Variants in FBXO33 observed in about 807,000 individuals in gnomAD.
FBXO33 encodes the protein F-box protein 33, also known as F-box only protein 33.
Under a neutral mutation model 46.3 loss-of-function variants are expected in FBXO33, and 22 were observed. That is an observed-to-expected ratio of 0.48 (90% confidence interval 0.34 to 0.68). The LOEUF is 0.68. FBXO33 is among the 30% of genes least tolerant of loss of function. The probability of loss-of-function intolerance (pLI) is 0.01; values close to 1 mark genes in which losing one functional copy is unlikely to be tolerated. For missense variants in FBXO33, 692 were observed against 708.8 expected (o/e 0.98, Z 0.27); for synonymous variants, 337 against 291.3 (o/e 1.16, Z -1.60).
chr14:39,420,400 A>G (rs2075475752), intron 1 of FBXO33, among the ~76,000 whole-genome samples: 1 of 152,186 alleles, frequency 6.6e-6, no homozygotes, highest in South Asian at 2.1e-4. Flanking sequence ...TTCAGTGCAG[A>G]AGAAAGCGGC....
At position 39,401,608 on chromosome 14, in the gene FBXO33, T is replaced by C. The variant is rs1302814519; in HGVS notation, c.964A>G (p.Met322Val). 6.2e-7 allele frequency: 1 copy of C among 1,614,060 alleles called. No individual in the cohort carries two copies. The highest frequency in any genetic ancestry group is 8.5e-7 in the Non-Finnish European group (1 of 1,180,026). Residue 322 changes from methionine to valine, a missense_variant, in exon 3 of 4, where the codon ATG (methionine) becomes GTG (valine). Met to Val is a conservative substitution (Grantham distance 21, BLOSUM62 1). Transcript: ENST00000298097. The stretch of plus-strand genomic sequence containing the variant: ...TTGCTATCAGTTAAGACTCTTGCCA[T>C]CTCAGCTGTAAAGTCACAAAAATCC... ...ALDFCDFTAE[M>V]ARVLTDSNHV...
At position 39,432,021 on chromosome 14, in the gene FBXO33, G is replaced by GC; in HGVS notation, c.141dup (p.Arg48AlafsTer53). ...CGCCGCCGGCTGCCGGCTCCCGGCC[G>GC]CCCCCGCAGTACCCGGAGCAGCCCC... On this transcript the variant is annotated frameshift_variant, in exon 1 of 4. Transcript: ENST00000298097. LOFTEE classifies it high-confidence loss of function. 1 of 1,406,694 alleles carries GC rather than the reference G, an allele frequency of 7.1e-7. No homozygotes were observed. The highest frequency in any genetic ancestry group is 1.5e-5 in the African/African-American group (1 of 65,370). 87.1% of individuals were successfully genotyped at this position (1,406,694 alleles called of 1,614,324 possible).
At chr14:39,422,388 T>C (rs1244137672) in intron 1 of FBXO33, among the ~76,000 whole-genome samples, 1 of 152,254 alleles carries the variant, frequency 6.6e-6, no homozygotes, top group African/African-American at 2.4e-5. Context: ...ACTCTGCTCA[T>C]TGCTTCCACC....
intron 1 of FBXO33, among the ~76,000 whole-genome samples, chr14:39,410,349 A>G (rs1222609011): frequency 6.6e-6 from 1 of 152,242 alleles, no homozygotes. Context: ...ATTGATGTGC[A>G]TATGGTGAAC....
Position 39,402,439 on chromosome 14 carries a change from G to T in FBXO33, c.672C>A (p.Tyr224Ter). Residue 224 changes from tyrosine (Y) to a stop codon, truncating the protein, a stop_gained, in exon 2 of 4, where the codon TAC becomes TAA. Transcript: ENST00000298097. LOFTEE classifies it high-confidence loss of function. Reference protein sequence around the residue: ...LQQQGSLSNTYLSKVDPDGKK... With the variant: ...LQQQGSLSNT ...TGCCATCAGGGTCCACCTTGCTGAG[G>T]TATGTATTTGACAAACTTCCTTGCT... 6.3e-7 allele frequency: 1 copy of T among 1,580,464 alleles called. No individual in the cohort carries two copies. Among genetic ancestry groups the T allele is most frequent in the East Asian group, 2.3e-5 (1 of 43,000 alleles).
intron 1 of FBXO33, among the ~76,000 whole-genome samples, chr14:39,428,362 C>T (rs2075526150): frequency 6.6e-6 from 1 of 151,586 alleles, no homozygotes; most frequent in South Asian, 2.1e-4. Flanking sequence ...TGCACTGCCA[C>T]ACCCGGCTAT....
chr14:39,404,962 C>G (rs1196895286), intron 1 of FBXO33, among the ~76,000 whole-genome samples: 1 of 151,762 alleles, frequency 6.6e-6, no homozygotes, highest in Admixed American at 6.6e-5. Context: ...GTCCGGCCAA[C>G]ATAGTGAAAC....
intron 1 of FBXO33, among the ~76,000 whole-genome samples, chr14:39,411,414 G>A (rs1022202532): frequency 6.6e-6 from 1 of 151,592 alleles, no homozygotes; most frequent in East Asian, 1.9e-4. Context: ...CTTAACATAG[G>A]GCATTTTTTG....
chr14:39,399,318 C>CTA lies in FBXO33; in HGVS notation c.*196_*197dup. The stretch of plus-strand genomic sequence containing the variant: ...AACAAGTCCATTAACCGTGAAAGCC[C>CTA]TATACATTGTCACTTTGAACTTCTA... On this transcript the variant is annotated 3_prime_UTR_variant, in exon 4 of 4. Coordinates refer to ENST00000298097, the MANE Select transcript of FBXO33 (RefSeq NM_203301.4). 2.1e-6 allele frequency: 1 copy of CTA among 472,652 alleles called. No individual in the cohort carries two copies. The highest frequency in any genetic ancestry group is 3.7e-6 in the Non-Finnish European group (1 of 269,422). 29.3% of individuals were successfully genotyped at this position (472,652 alleles called of 1,614,324 possible).
At chr14:39,416,643 G>A (rs184420648) in intron 1 of FBXO33, among the ~76,000 whole-genome samples, 5 of 151,792 alleles carry the variant, frequency 3.3e-5, no homozygotes, top group Admixed American at 6.6e-5. Flanking sequence ...TCAATTTTTC[G>A]GTTCAGTTAC....
At chr14:39,425,879 T>A (rs1595988615) in intron 1 of FBXO33, among the ~76,000 whole-genome samples, 1 of 152,248 alleles carries the variant, frequency 6.6e-6, no homozygotes, top group Non-Finnish European at 1.5e-5. Flanking sequence ...CTGTAGCTAC[T>A]GGCTGCCATA....
Position 39,399,124 on chromosome 14 carries a change from A to G in FBXO33, c.*392T>C, listed in dbSNP as rs2075356981. On this transcript the variant is annotated 3_prime_UTR_variant, in exon 4 of 4. Coordinates refer to ENST00000298097, the MANE Select transcript of FBXO33 (RefSeq NM_203301.4). The stretch of plus-strand genomic sequence containing the variant: ...GATGCAGTGCATTGCATATAAATCT[A>G]CCAGGCTATGGATATATATCTATAT... The G allele has an allele frequency of 6.5e-6, 1 of 154,976 alleles. No individual in the cohort carries two copies. The highest frequency in any genetic ancestry group is 2.4e-5 in the African/African-American group (1 of 41,546). 9.6% of individuals were successfully genotyped at this position (154,976 alleles called of 1,614,324 possible).
intron 3 of FBXO33, 82 bp downstream of exon 3, chr14:39,401,094 A>AATTT (rs756696397): frequency 1.6e-6 from 2 of 1,250,672 alleles, no homozygotes; most frequent in Non-Finnish European, 2.2e-6. Flanking sequence ...TGATACTATA[A>AATTT]AGGTCAGTGC....
chr14:39,401,189 AAG>A lies in FBXO33; in HGVS notation c.1381_1382del (p.Leu461SerfsTer23). The A allele has an allele frequency of 6.3e-7, 1 of 1,584,408 alleles. No homozygotes were observed. Among genetic ancestry groups the A allele is most frequent in the Non-Finnish European group, 8.6e-7 (1 of 1,168,374 alleles). ...LLAWRCTKLS[L>X]LAIHGYTVWA... Reference sequence around the variant, plus strand: ...AAGATCACCTACCATGAATTGCCAGAAGAGAGAGCTTTGTGCACCTCCATGCT... The same window carrying A: ...AAGATCACCTACCATGAATTGCCAGAAGAGAGCTTTGTGCACCTCCATGCT... On this transcript the variant is annotated frameshift_variant, in exon 3 of 4. Transcript: ENST00000298097. LOFTEE classifies it high-confidence loss of function.
chr14:39,414,854 G>A (rs1165878550), intron 1 of FBXO33, among the ~76,000 whole-genome samples: 1 of 151,892 alleles, frequency 6.6e-6, no homozygotes, highest in East Asian at 1.9e-4. Context: ...TAGGGATGGG[G>A]GTCTATGTTC....
At chr14:39,418,126 C>T (rs975812422) in intron 1 of FBXO33, among the ~76,000 whole-genome samples, 7 of 151,656 alleles carry the variant, frequency 4.6e-5, no homozygotes, top group African/African-American at 7.3e-5. Context: ...TGCAGTGGCG[C>T]GATCTCTGCT....
intron 1 of FBXO33, among the ~76,000 whole-genome samples, chr14:39,420,490 A>G (rs570645538): frequency 3.9e-5 from 6 of 152,322 alleles, no homozygotes; most frequent in South Asian, 4.1e-4. Context: ...GATCGAGACC[A>G]ACCTGGCTAA....
At chr14:39,418,774 C>CAAAAAAA (rs1237168650) in intron 1 of FBXO33, among the ~76,000 whole-genome samples, 1 of 60,122 alleles carries the variant, frequency 1.7e-5, no homozygotes, top group Non-Finnish European at 3.5e-5. Flanking sequence ...GACTCCGTCT[C>CAAAAAAA]AAAAAAAAAA....
intron 1 of FBXO33, among the ~76,000 whole-genome samples, chr14:39,417,817 C>A (rs985814085): frequency 1.3e-5 from 2 of 152,182 alleles, no homozygotes; most frequent in Non-Finnish European, 1.5e-5. Context: ...GCGTGAGCCA[C>A]CACGCCTGGC....
Sources: allele counts gnomAD v4.1 joint callset (sites outside exome capture counted in the v4.1 genomes callset), GRCh38; gene constraint gnomAD v4.1.1; transcripts MANE v1.5; gene names NCBI Gene and HGNC (gene_info 2026-07-23, HGNC 2026-07-21).